The following LGR5 variants were observed in gnomAD, a reference collection of about 807,000 sequenced individuals.
LGR5 encodes leucine rich repeat containing G protein-coupled receptor 5, also known as leucine-rich repeat-containing G protein-coupled receptor 5.
A neutral mutation model predicts 76.7 loss-of-function variants in LGR5; 54 were observed. That is an observed-to-expected ratio of 0.70 (90% CI 0.57 to 0.88). The LOEUF (loss-of-function observed/expected upper bound fraction) is 0.88, where lower values mean the gene tolerates loss of function less well. LGR5 is among the 40% of genes least tolerant of loss of function. The pLI, the probability that LGR5 is intolerant of heterozygous loss-of-function variation, is 0.00. For synonymous variants in LGR5, 406 were observed against 421.9 expected, an observed-to-expected ratio of 0.96 and a Z score of 0.46; for missense variants, 1,078 against 1,073.3, an observed-to-expected ratio of 1.00 and a Z score of -0.06.
intron 1 of LGR5, among the ~76,000 whole-genome samples, chr12:71,475,316 G>A (rs957193163): frequency 1.5e-4 from 23 of 152,158 alleles, no homozygotes; most frequent in Admixed American, 2.6e-4. Context: ...CCCTTTATAC[G>A]TCTTTAATTT....
rs746908994 is a variant in LGR5, at chr12:71,575,720, ATATG to A, written c.1209-2203_1209-2200del. ...AGTGAGACTCCATCTCAAAAAATAT[ATATG>A]TGTGTGTGTGTGTGTGTGTGTGTGT... is the stretch of plus-strand genomic sequence containing the variant. On this transcript the variant is annotated intron_variant, in intron 13 of 17. Coordinates refer to ENST00000266674, the MANE Select transcript of LGR5 (RefSeq NM_003667.4). Among the ~76,000 whole-genome samples, 667 of 122,800 alleles carry A rather than the reference ATATG, an allele frequency of 5.4e-3. 8 individuals are homozygous for A. Among genetic ancestry groups the A allele is most frequent in the African/African-American group, 0.025 (614 of 24,328 alleles). The allele number at this position is 122,800 out of a possible 152,430, so 80.6% of individuals were successfully genotyped here.
chr12:71,533,073 A>C (rs1261921711), intron 3 of LGR5, among the ~76,000 whole-genome samples: 1 of 152,150 alleles, frequency 6.6e-6, no homozygotes, highest in Non-Finnish European at 1.5e-5. Context: ...GTGGCGGCTC[A>C]CACCTGGGAT....
At chr12:71,489,731 T>C (rs1873982144) in intron 1 of LGR5, among the ~76,000 whole-genome samples, 1 of 152,106 alleles carries the variant, frequency 6.6e-6, no homozygotes, top group South Asian at 2.1e-4. Context: ...CACTCCAAAA[T>C]CATGGACCAC....
In LGR5 at chr12:71,584,338, C is replaced by T. The variant is rs540355610; in HGVS notation, c.2328C>T (p.Cys776=). The part of the protein sequence containing the change: ...KHIALLLFTN[C]ILNCPVAFLS... ...TTGCCCTGTTGCTCTTCACCAACTG[C>T]ATCCTAAACTGCCCTGTGGCTTTCT... Residue 776 remains cysteine, a synonymous_variant, in exon 18 of 18, where the codon TGC becomes TGT. Transcript: ENST00000266674. The T allele has an allele frequency of 3.7e-6, 6 of 1,614,220 alleles. No individual in the cohort carries two copies. The highest frequency in any genetic ancestry group is 5.1e-6 in the Non-Finnish European group (6 of 1,180,026).
At chr12:71,510,014 T>C (rs1037537852) in intron 2 of LGR5, among the ~76,000 whole-genome samples, 3 of 152,232 alleles carry the variant, frequency 2.0e-5, no homozygotes, top group African/African-American at 7.2e-5. Flanking sequence ...AGCATGTTAC[T>C]GAAAATAGCA....
At chr12:71,579,452 AG>A (rs1565778842) in intron 15 of LGR5, among the ~76,000 whole-genome samples, 1 of 152,148 alleles carries the variant, frequency 6.6e-6, no homozygotes, top group African/African-American at 2.4e-5. Context: ...CCCAAAAGAG[AG>A]TTGGGAAAGC....
chr12:71,463,489 A>C (rs1592462271), intron 1 of LGR5, among the ~76,000 whole-genome samples: 1 of 151,820 alleles, frequency 6.6e-6, no homozygotes, highest in South Asian at 2.1e-4. Flanking sequence ...CCACATCTAT[A>C]AAATGTGACA....
At chr12:71,573,886 G>A (rs1482861438) in intron 13 of LGR5, among the ~76,000 whole-genome samples, 1 of 146,270 alleles carries the variant, frequency 6.8e-6, no homozygotes, top group Non-Finnish European at 1.5e-5. Context: ...ACTTTTGGTT[G>A]AAATCTACTT....
At chr12:71,522,250 A>G (rs1045154944) in intron 2 of LGR5, among the ~76,000 whole-genome samples, 4 of 152,174 alleles carry the variant, frequency 2.6e-5, no homozygotes, top group African/African-American at 9.7e-5. Context: ...ATATGGTCAG[A>G]GTTGTCTTTA....
At chr12:71,576,434 G>A (rs1385854235) in intron 13 of LGR5, among the ~76,000 whole-genome samples, 1 of 152,078 alleles carries the variant, frequency 6.6e-6, no homozygotes, top group Non-Finnish European at 1.5e-5. Flanking sequence ...TGAGAAGTCT[G>A]TAGCTGCCAT....
At chr12:71,567,013 G>C in intron 11 of LGR5, 101 bp downstream of exon 11, 1 of 1,002,410 alleles carries the variant, frequency 1.0e-6, no homozygotes, top group Non-Finnish European at 1.6e-6. Flanking sequence ...AGAGGAGAAA[G>C]TTTTTCCTTT....
intron 13 of LGR5, among the ~76,000 whole-genome samples, chr12:71,577,418 CTAA>C (rs1026055618): frequency 3.3e-5 from 5 of 152,106 alleles, no homozygotes; most frequent in African/African-American, 1.2e-4. Context: ...CATATCCTGG[CTAA>C]TAATTTACTT....
chr12:71,573,669 T>G (rs1439390209), intron 13 of LGR5, among the ~76,000 whole-genome samples: 1 of 152,210 alleles, frequency 6.6e-6, no homozygotes, highest in East Asian at 1.9e-4. Context: ...GTTAAAAACC[T>G]TTCTCTTTTG....
chr12:71,580,804 CA>C (rs944728955), intron 16 of LGR5, among the ~76,000 whole-genome samples: 3 of 148,994 alleles, frequency 2.0e-5, no homozygotes, highest in Admixed American at 2.0e-4. Context: ...AAGACTGTCT[CA>C]AAAAAAAAGG....
chr12:71,490,999 G>A (rs2137278860), intron 1 of LGR5, among the ~76,000 whole-genome samples: 1 of 152,196 alleles, frequency 6.6e-6, no homozygotes, highest in South Asian at 2.1e-4. Flanking sequence ...TGATGGGGGT[G>A]GGTTTTTCCA....
At chr12:71,499,057 T>A (rs73337766) in intron 1 of LGR5, among the ~76,000 whole-genome samples, 2,348 of 152,320 alleles carry the variant, frequency 0.015, 54 homozygotes, top group African/African-American at 0.054. Context: ...AGGTTTTTTT[T>A]ATTTTCTGGT....
chr12:71,528,288 T>C (rs1876119677), intron 3 of LGR5, among the ~76,000 whole-genome samples: 1 of 151,828 alleles, frequency 6.6e-6, no homozygotes, highest in Non-Finnish European at 1.5e-5. Flanking sequence ...CAAAACCCCA[T>C]CTCTACAAAA....
chr12:71,560,580 C>T (rs550971594), intron 7 of LGR5, among the ~76,000 whole-genome samples: 3 of 152,192 alleles, frequency 2.0e-5, no homozygotes, highest in East Asian at 1.9e-4. Flanking sequence ...TTACTCGAGG[C>T]CAGGAGTTCG....
chr12:71,522,615 AT>A (rs756551188), intron 2 of LGR5, among the ~76,000 whole-genome samples: 25 of 150,954 alleles, frequency 1.7e-4, no homozygotes, highest in African/African-American at 1.9e-4. Context: ...TGTCTACTCT[AT>A]TTTTTTTTCT....
Sources: allele counts gnomAD v4.1 joint callset (sites outside exome capture counted in the v4.1 genomes callset), GRCh38; gene constraint gnomAD v4.1.1; transcripts MANE v1.5; gene names NCBI Gene and HGNC (gene_info 2026-07-23, HGNC 2026-07-21).